Variants in CLDN10 observed in about 807,000 individuals in gnomAD.
CLDN10 encodes claudin-10.
In CLDN10, 15 loss-of-function variants were observed where a neutral mutation model predicts 22.9. The observed-to-expected ratio is 0.65, with a 90% CI of 0.44 to 1.01. The LOEUF (loss-of-function observed/expected upper bound fraction) is 1.01. Ranked by LOEUF, CLDN10 falls within the 50% of genes least tolerant of loss-of-function variation. The probability of loss-of-function intolerance (pLI) is 0.00; values close to 1 mark genes in which losing one functional copy is unlikely to be tolerated. For synonymous variants in CLDN10, 114 were observed against 111.4 expected, an observed-to-expected ratio of 1.02 and a Z score of -0.15; for missense variants, 247 against 287.8, an observed-to-expected ratio of 0.86 and a Z score of 1.03.
intron 1 of CLDN10, among the ~76,000 whole-genome samples, chr13:95,527,007 G>T (rs1594588670): frequency 6.6e-6 from 1 of 152,104 alleles, no homozygotes; most frequent in African/African-American, 2.4e-5. Flanking sequence ...GGGAGGATTT[G>T]CCCCCATTGA....
chr13:95,555,919 A>T (rs2138649488), intron 1 of CLDN10, among the ~76,000 whole-genome samples: 1 of 152,184 alleles, frequency 6.6e-6, no homozygotes, highest in East Asian at 1.9e-4. Flanking sequence ...CTCCCCTTAA[A>T]CCCAGGTATG....
intron 1 of CLDN10, among the ~76,000 whole-genome samples, chr13:95,546,127 A>G (rs1030325862): frequency 6.6e-6 from 1 of 152,244 alleles, no homozygotes; most frequent in Non-Finnish European, 1.5e-5. Flanking sequence ...AATAATTCTG[A>G]TTATAAAAGC....
intron 1 of CLDN10, among the ~76,000 whole-genome samples, chr13:95,558,666 C>A (rs74709587): frequency 3.2e-3 from 488 of 152,316 alleles, no homozygotes; most frequent in Middle Eastern, 6.8e-3. Context: ...TGGCTCATGC[C>A]TTTAAGCCCA....
At chr13:95,553,891 C>G (rs2043601569) in intron 1 of CLDN10, among the ~76,000 whole-genome samples, 1 of 152,200 alleles carries the variant, frequency 6.6e-6, no homozygotes, top group African/African-American at 2.4e-5. Flanking sequence ...GTTCTAGGCC[C>G]GTTGCTTCCA....
intron 1 of CLDN10, among the ~76,000 whole-genome samples, chr13:95,473,750 C>T (rs2042658654): frequency 6.6e-6 from 1 of 152,170 alleles, no homozygotes; most frequent in East Asian, 1.9e-4. Flanking sequence ...CTGGGCCCTG[C>T]TATGCTGCTG....
At chr13:95,446,989 G>C (rs2042387020) in intron 1 of CLDN10, among the ~76,000 whole-genome samples, 1 of 152,186 alleles carries the variant, frequency 6.6e-6, no homozygotes, top group Admixed American at 6.5e-5. Flanking sequence ...TCCAGGCACA[G>C]AGCCGAGTGA....
At chr13:95,518,745 T>C (rs4509883) in intron 1 of CLDN10, among the ~76,000 whole-genome samples, 131,076 of 151,744 alleles carry the variant, frequency 0.86, 56,797 homozygotes, top group East Asian at 0.96. Flanking sequence ...AGTGACAGAA[T>C]GAGACTGTCT....
At chr13:95,470,708 C>T (rs943887355) in intron 1 of CLDN10, among the ~76,000 whole-genome samples, 17 of 152,132 alleles carry the variant, frequency 1.1e-4, no homozygotes, top group Non-Finnish European at 2.4e-4. Flanking sequence ...GCTGGCCGTG[C>T]ACGTCCTGCC....
chr13:95,528,665 T>C (rs1179366823), intron 1 of CLDN10: 1 of 152,180 alleles, frequency 6.6e-6, no homozygotes, highest in Non-Finnish European at 1.5e-5. Context: ...TTCCTTCTCC[T>C]GAAAGACTGA....
chr13:95,506,022 G>A (rs1429293149), intron 1 of CLDN10, among the ~76,000 whole-genome samples: 1 of 152,170 alleles, frequency 6.6e-6, no homozygotes, highest in Non-Finnish European at 1.5e-5. Flanking sequence ...TTACAGGCGT[G>A]AGCCATTGCG....
intron 1 of CLDN10, among the ~76,000 whole-genome samples, chr13:95,527,825 A>G (rs1159280908): frequency 6.6e-6 from 1 of 152,232 alleles, no homozygotes; most frequent in East Asian, 1.9e-4. Flanking sequence ...TATTCTATGC[A>G]TCCAAAGGCA....
chr13:95,525,603 T>A (rs1457755924), intron 1 of CLDN10, among the ~76,000 whole-genome samples: 1 of 152,188 alleles, frequency 6.6e-6, no homozygotes, highest in Non-Finnish European at 1.5e-5. Context: ...GCTGTTTTCA[T>A]GCCTTAGCCT....
At position 95,464,979 on chromosome 13, in the gene CLDN10, G is replaced by C. The variant is rs1452001210; in HGVS notation, c.214+30932G>C. On this transcript the variant is annotated intron_variant, in intron 1 of 4. Transcript: ENST00000376873. ...TGACCTCAAGTCATCCGCCTACCTT[G>C]GCCTCCCAAAGTGCTAGGGTAACAG... Among the ~76,000 whole-genome samples, 3 of 152,174 alleles carry C rather than the reference G, an allele frequency of 2.0e-5. No individual in the cohort carries two copies. In the East Asian group the frequency reaches 5.8e-4, roughly 29 times the overall value.
chr13:95,511,992 C>T lies in CLDN10; in HGVS notation c.215-48140C>T, dbSNP rs1306364495. On this transcript the variant is annotated intron_variant, in intron 1 of 4. Coordinates refer to the CLDN10 transcript ENST00000376873. Reference sequence around the variant, plus strand: ...TTAGGTATATCTCCTAATGCTATCCCCCCCCTCTCCCCCCACCCCACAACA... The same window carrying T: ...TTAGGTATATCTCCTAATGCTATCCTCCCCCTCTCCCCCCACCCCACAACA... Among the ~76,000 whole-genome samples the T allele has an allele frequency of 2.3e-5, 3 of 132,084 alleles. 1 individual carries two copies. Among genetic ancestry groups the T allele is most frequent in the South Asian group, 2.5e-4 (1 of 4,060 alleles). 86.7% of individuals were successfully genotyped at this position (132,084 alleles called of 152,430 possible).
intron 3 of CLDN10, among the ~76,000 whole-genome samples, chr13:95,567,636 T>C (rs2043803092): frequency 6.6e-6 from 1 of 152,220 alleles, no homozygotes; most frequent in Non-Finnish European, 1.5e-5. Context: ...CTGATTGCCC[T>C]GGCCAGAACT....
intron 1 of CLDN10, among the ~76,000 whole-genome samples, chr13:95,492,528 G>A (rs1219377271): frequency 6.6e-6 from 1 of 152,068 alleles, no homozygotes; most frequent in Non-Finnish European, 1.5e-5. Context: ...TCCCCCAACA[G>A]CCTCGAGTCT....
intron 1 of CLDN10, among the ~76,000 whole-genome samples, chr13:95,477,143 G>A (rs2042692419): frequency 6.6e-6 from 1 of 152,196 alleles, no homozygotes; most frequent in African/African-American, 2.4e-5. Context: ...TCAGATCTAA[G>A]AGAAGTGGGC....
At chr13:95,484,056 G>T (rs1054068985) in intron 1 of CLDN10, among the ~76,000 whole-genome samples, 11 of 152,182 alleles carry the variant, frequency 7.2e-5, no homozygotes, top group Non-Finnish European at 1.3e-4. Context: ...CATCAAATTT[G>T]CTGGTGCCTT....
At chr13:95,490,480 A>C (rs1385352583) in intron 1 of CLDN10, among the ~76,000 whole-genome samples, 1 of 152,148 alleles carries the variant, frequency 6.6e-6, no homozygotes, top group Non-Finnish European at 1.5e-5. Context: ...ATTGTCATTC[A>C]GTTCAAAGAA....
Sources: allele counts gnomAD v4.1 joint callset (sites outside exome capture counted in the v4.1 genomes callset), GRCh38; gene constraint gnomAD v4.1.1; transcripts MANE v1.5; gene names NCBI Gene and HGNC (gene_info 2026-07-23, HGNC 2026-07-21).